NMU: variants seen among roughly 807,000 people sequenced by gnomAD.
NMU encodes the protein neuromedin U.
A neutral mutation model predicts 35.4 loss-of-function variants in NMU; 29 were observed. The observed-to-expected ratio is 0.82, with a 90% CI of 0.61 to 1.12. NMU has a LOEUF of 1.12. Ranked by LOEUF, NMU falls within the 50% of genes most tolerant of loss-of-function variation. The pLI is 0.00. For synonymous variants in NMU, 78 were observed against 81.3 expected (o/e 0.96, Z 0.22); for missense variants, 199 against 206.2 (o/e 0.97, Z 0.21).
chr4:55,617,000 T>C (rs569599305), intron 2 of NMU, among the ~76,000 whole-genome samples: 2 of 152,228 alleles, frequency 1.3e-5, no homozygotes. Context: ...GAGAGACTTA[T>C]ATTAATCATA....
chr4:55,600,644 T>C lies in NMU; in HGVS notation c.436-69A>G. 3.7e-6 allele frequency: 4 copies of C among 1,093,466 alleles called. No homozygotes were observed. In the South Asian group the frequency reaches 5.0e-5, roughly 14 times the overall value. 67.7% of individuals were successfully genotyped at this position (1,093,466 alleles called of 1,614,324 possible). A position where few individuals can be genotyped will look rare whatever the true frequency, so the allele number is the denominator to read the frequency against. On this transcript the variant is annotated intron_variant, in intron 7 of 9. Transcript: ENST00000264218. ...AATAAGTGCAAATTCTCCTTGAAAGTATATTGAGGGTCAAAATTACTTTCA... is the reference window on the plus strand; with the variant it reads ...AATAAGTGCAAATTCTCCTTGAAAGCATATTGAGGGTCAAAATTACTTTCA...
At chr4:55,627,280 CTA>C (rs1419330515) in intron 2 of NMU, among the ~76,000 whole-genome samples, 1 of 151,294 alleles carries the variant, frequency 6.6e-6, no homozygotes, top group Non-Finnish European at 1.5e-5. Context: ...AGTTTTTATA[CTA>C]TGTCTCAGTA....
intron 1 of NMU, among the ~76,000 whole-genome samples, chr4:55,635,473 T>A (rs898612798): frequency 1.3e-5 from 2 of 152,166 alleles, no homozygotes; most frequent in African/African-American, 4.8e-5. Context: ...TGATGAGAAG[T>A]TCTCTATTCC....
intron 8 of NMU, among the ~76,000 whole-genome samples, chr4:55,600,030 T>C (rs1733360268): frequency 6.6e-6 from 1 of 152,132 alleles, no homozygotes; most frequent in African/African-American, 2.4e-5. Flanking sequence ...TGTAGCTGCC[T>C]AGAAAAAAAC....
At chr4:55,596,389 C>A in intron 9 of NMU, among the ~76,000 whole-genome samples, 1 of 148,400 alleles carries the variant, frequency 6.7e-6, no homozygotes. Flanking sequence ...CTAAATTCAC[C>A]AAATCATGGA....
intron 7 of NMU, among the ~76,000 whole-genome samples, chr4:55,601,759 A>G (rs112927882): frequency 3.3e-5 from 5 of 152,182 alleles, no homozygotes; most frequent in African/African-American, 1.2e-4. Context: ...GGCTGATGTC[A>G]GAGAATCACT....
chr4:55,629,506 C>A lies in NMU; in HGVS notation c.171+896G>T, dbSNP rs964004420. 2.0e-5 allele frequency among the ~76,000 whole-genome samples: 3 copies of A among 151,316 alleles called. No individual in the cohort carries two copies. In the Admixed American group the frequency reaches 2.0e-4, roughly 10 times the overall value. On this transcript the variant is annotated intron_variant, in intron 2 of 9. Transcript: ENST00000264218. ...TGATGGTGTGCGCCTGTACTCCCAGCTACTTGGGAGGCTGAGGTGGGAGAA... is the reference window on the plus strand; with the variant it reads ...TGATGGTGTGCGCCTGTACTCCCAGATACTTGGGAGGCTGAGGTGGGAGAA...
chr4:55,636,392 C>G, upstream of NMU: 13 of 770,866 alleles, frequency 1.7e-5, no homozygotes, highest in South Asian at 3.7e-4. The surrounding 1 kb of genome is among the most constrained non-coding windows in gnomAD (Gnocchi z 4.0). Context: ...CCTGCCGCCC[C>G]CGGCCTACCT....
intron 9 of NMU, among the ~76,000 whole-genome samples, chr4:55,598,512 C>T (rs775148806): frequency 6.6e-6 from 1 of 152,052 alleles, no homozygotes; most frequent in African/African-American, 2.4e-5. Context: ...CTTTTATTGT[C>T]TAATAAAATA....
At position 55,596,614 on chromosome 4, in the gene NMU, T is replaced by A. The variant is rs150876798; in HGVS notation, c.*5-1203A>T. On this transcript the variant is annotated intron_variant, in intron 9 of 9. Transcript: ENST00000264218. ...AAATTAAGGATATGTTTTCTCATATTCCTTATGTGAACATAATTTATCAGG... is the reference window on the plus strand; with the variant it reads ...AAATTAAGGATATGTTTTCTCATATACCTTATGTGAACATAATTTATCAGG... Among the ~76,000 whole-genome samples, 1,501 of 152,270 alleles carry A rather than the reference T, an allele frequency of 9.9e-3. 17 individuals are homozygous for A. Among genetic ancestry groups the A allele is most frequent in the Middle Eastern group, 0.041 (12 of 294 alleles).
chr4:55,601,993 T>C lies in NMU; in HGVS notation c.436-1418A>G, dbSNP rs137967505. On this transcript the variant is annotated intron_variant, in intron 7 of 9. Coordinates refer to ENST00000264218, the MANE Select transcript of NMU (RefSeq NM_006681.4). ...GCCTAGGTGACAGAGAAAGACCCTG[T>C]CTCAAAAAAATAATAATAATACAAA... 2.6e-5 allele frequency among the ~76,000 whole-genome samples: 4 copies of C among 152,038 alleles called. No homozygotes were observed. The East Asian group carries it at 7.7e-4, about 29-fold the overall frequency.
chr4:55,612,906 A>C (rs1409977472), intron 3 of NMU, among the ~76,000 whole-genome samples: 1 of 152,206 alleles, frequency 6.6e-6, no homozygotes, highest in Non-Finnish European at 1.5e-5. Context: ...TATATGTGAA[A>C]ATTAACAATG....
intron 3 of NMU, 125 bp from the exon 4 acceptor site, chr4:55,609,304 G>A: frequency 2.7e-6 from 2 of 734,188 alleles, no homozygotes; most frequent in Non-Finnish European, 4.8e-6. Context: ...TCCTTCTGTA[G>A]ATTATTAAAA....
Position 55,599,169 on chromosome 4 carries a change from T to C in NMU, c.502A>G (p.Arg168Gly), listed in dbSNP as rs1482496787. 2 of 1,606,244 alleles carry C rather than the reference T, an allele frequency of 1.2e-6. No individual in the cohort carries two copies. Among genetic ancestry groups the C allele is most frequent in the South Asian group, 1.1e-5 (1 of 90,866 alleles). ...TTTTAAATGAACCCTGCTGACCTTC[T>C]TCCATTCCGTGGCTGAAAAATAATA... ...GYFLFRPRNG[R>G]RSAGFI The change falls in exon 9 of 10, where the codon AGA becomes GGA. Residue 168 changes from arginine (R) to glycine (G), a missense_variant. By Grantham distance (125) the Arg-to-Gly change is moderately radical (BLOSUM62 -2). Coordinates refer to ENST00000264218, the MANE Select transcript of NMU (RefSeq NM_006681.4).
intron 9 of NMU, among the ~76,000 whole-genome samples, chr4:55,596,729 CT>C (rs1173692173): frequency 1.3e-5 from 2 of 152,148 alleles, no homozygotes; most frequent in African/African-American, 4.8e-5. Context: ...TTTTCCTTCG[CT>C]TTTCCACTAT....
chr4:55,616,642 G>A (rs971836718), intron 2 of NMU, among the ~76,000 whole-genome samples: 3 of 152,152 alleles, frequency 2.0e-5, no homozygotes, highest in Admixed American at 2.0e-4. Context: ...GCATGAAGAT[G>A]CCTCACATTA....
At chr4:55,634,301 T>C (rs1715789580) in intron 1 of NMU, among the ~76,000 whole-genome samples, 1 of 152,136 alleles carries the variant, frequency 6.6e-6, no homozygotes, top group Non-Finnish European at 1.5e-5. Flanking sequence ...ATTAGTTTTT[T>C]TAGTATTCAG....
chr4:55,630,339 T>TGCC lies in NMU; in HGVS notation c.171+62_171+63insGGC, dbSNP rs1734706382. On this transcript the variant is annotated intron_variant, in intron 2 of 9. Transcript: ENST00000264218. Reference sequence around the variant, plus strand: ...TTCTCCCAAAGCTCAATTATACATTTTAACATGATAATTTCAAAGAAGGGT... The same window carrying TGCC: ...TTCTCCCAAAGCTCAATTATACATTTGCCTAACATGATAATTTCAAAGAAGGGT... The TGCC allele has an allele frequency of 3.1e-5, 37 of 1,207,136 alleles. 1 individual carries two copies. In the South Asian group the frequency reaches 4.4e-4, roughly 14 times the overall value. The allele number at this position is 1,207,136 out of a possible 1,614,324, so 74.8% of individuals were successfully genotyped here. A position where few individuals can be genotyped will look rare whatever the true frequency, so the allele number is the denominator to read the frequency against.
At chr4:55,610,260 C>T (rs1733873726) in intron 3 of NMU, among the ~76,000 whole-genome samples, 2 of 151,978 alleles carry the variant, frequency 1.3e-5, no homozygotes, top group Admixed American at 6.5e-5. Context: ...GTCAGGAATT[C>T]GAGACCAGCC....
Sources: allele counts gnomAD v4.1 joint callset (sites outside exome capture counted in the v4.1 genomes callset), GRCh38; gene constraint gnomAD v4.1.1; non-coding constraint Gnocchi (gnomAD v3.1); transcripts MANE v1.5; gene names NCBI Gene and HGNC (gene_info 2026-07-23, HGNC 2026-07-21).